Variants in HSPH1 observed in about 807,000 individuals in gnomAD.
The protein encoded by HSPH1 is heat shock protein family H (Hsp110) member 1.
A neutral mutation model predicts 100.0 loss-of-function variants in HSPH1; 40 were observed. That is an observed-to-expected ratio of 0.40 (90% CI 0.31 to 0.52). HSPH1 has a LOEUF of 0.52. HSPH1 is among the 20% of genes least tolerant of loss of function. The pLI, the probability that HSPH1 is intolerant of heterozygous loss-of-function variation, is 0.54. For synonymous variants in HSPH1, 403 were observed against 344.0 expected (o/e 1.17, Z -1.90); for missense variants, 876 against 1,015.1 (o/e 0.86, Z 1.86).
intron 16 of HSPH1, 30 bp downstream of exon 16, chr13:31,138,751 T>A (rs375066087): frequency 1.3e-5 from 20 of 1,586,086 alleles, no homozygotes; most frequent in Non-Finnish European, 1.6e-5. Flanking sequence ...TAGGTTAACT[T>A]CCTCCCTATG....
intron 1 of HSPH1, 132 bp from the exon 2 acceptor site, chr13:31,158,995 T>G (rs574360565): frequency 1.7e-6 from 1 of 587,896 alleles, no homozygotes; most frequent in East Asian, 2.8e-5. Context: ...TTTTAAGGTC[T>G]ATAGCTTTCA....
At chr13:31,155,974 C>G (rs556782701) in intron 2 of HSPH1, among the ~76,000 whole-genome samples, 29 of 152,262 alleles carry the variant, frequency 1.9e-4, no homozygotes, top group Non-Finnish European at 3.8e-4. Flanking sequence ...AAGCTCTGAA[C>G]AAACACACTA....
At position 31,139,015 on chromosome 13, in the gene HSPH1, C is replaced by T. The variant is rs759234284; in HGVS notation, c.2073G>A (p.Lys691=). The change falls in exon 15 of 18, where the codon AAG becomes AAA. Residue 691 remains lysine (K), a synonymous_variant. Coordinates refer to ENST00000320027, the MANE Select transcript of HSPH1 (RefSeq NM_006644.4). ...EDQAKQAYVD[K]LEELMKIGTP... Reference sequence around the variant, plus strand: ...AACGACCTACCATTAATTCTTCCAACTTGTCAACATATGCTTGTTTAGCTT... The same window carrying T: ...AACGACCTACCATTAATTCTTCCAATTTGTCAACATATGCTTGTTTAGCTT... 3 of 1,611,604 alleles carry T rather than the reference C, an allele frequency of 1.9e-6. No individual in the cohort carries two copies. The highest frequency in any genetic ancestry group is 3.3e-5 in the Admixed American group (2 of 59,950).
Position 31,161,865 on chromosome 13 carries a change from C to A in HSPH1, c.-283G>T. The A allele has an allele frequency of 6.7e-7, 1 of 1,484,024 alleles. No homozygotes were observed. Among genetic ancestry groups the A allele is most frequent in the Non-Finnish European group, 8.9e-7 (1 of 1,118,914 alleles). The allele number at this position is 1,484,024 out of a possible 1,614,324, so 91.9% of individuals were successfully genotyped here. A position where few individuals can be genotyped will look rare whatever the true frequency, so the allele number is the denominator to read the frequency against. On this transcript the variant is annotated 5_prime_UTR_variant, in exon 1 of 18. Transcript: ENST00000320027. ...CCTCGGGTTGCCTGCCTCACTCTGC[C>A]GCGGCTCGCACACCGGCGCCGGCGC...
At chr13:31,150,685 A>G (rs1458975865) in intron 7 of HSPH1, among the ~76,000 whole-genome samples, 1 of 152,226 alleles carries the variant, frequency 6.6e-6, no homozygotes, top group Non-Finnish European at 1.5e-5. Flanking sequence ...TGGCCCAGAA[A>G]TACTAAAAAG....
At position 31,161,595 on chromosome 13, in the gene HSPH1, GTCCGCC is replaced by G. The variant is rs1293613533; in HGVS notation, c.-19_-14del. ...CCACCACCGACATGGCCGGCTCGCGGTCCGCCTCCGCCTCGGGTCTCGGTCTGCGTC... is the reference window on the plus strand; with the variant it reads ...CCACCACCGACATGGCCGGCTCGCGGTCCGCCTCGGGTCTCGGTCTGCGTC... On this transcript the variant is annotated 5_prime_UTR_variant, in exon 1 of 18. Coordinates refer to ENST00000320027, the MANE Select transcript of HSPH1 (RefSeq NM_006644.4). 2 of 1,611,572 alleles carry G rather than the reference GTCCGCC, an allele frequency of 1.2e-6. No homozygotes were observed. Among genetic ancestry groups the G allele is most frequent in the East Asian group, 2.2e-5 (1 of 44,848 alleles).
rs186994063 is a variant in HSPH1 at position 31,141,394 on chromosome 13, C to T, written c.1717-135G>A. On this transcript the variant is annotated intron_variant, in intron 12 of 17. Transcript: ENST00000320027. Reference sequence around the variant, plus strand: ...AAAATCATAAAGTTGGAAGGATCTACAGGATCACCTAATTCCCACTATTTT... The same window carrying T: ...AAAATCATAAAGTTGGAAGGATCTATAGGATCACCTAATTCCCACTATTTT... 3 of 678,336 alleles carry T rather than the reference C, an allele frequency of 4.4e-6. No homozygotes were observed. In the African/African-American group the frequency reaches 5.5e-5, roughly 12 times the overall value. 42.0% of individuals were successfully genotyped at this position (678,336 alleles called of 1,614,324 possible). A position where few individuals can be genotyped will look rare whatever the true frequency, so the allele number is the denominator to read the frequency against.
chr13:31,158,574 G>C (rs558317253), intron 2 of HSPH1, among the ~76,000 whole-genome samples: 1 of 111,044 alleles, frequency 9.0e-6, no homozygotes, highest in Admixed American at 9.0e-5. Context: ...AAAAAAAAAA[G>C]TTAAGGATGG....
chr13:31,148,509 A>G (rs1956354502), intron 8 of HSPH1, 29 bp from the exon 9 acceptor site: 1 of 909,636 alleles, frequency 1.1e-6, no homozygotes, highest in Non-Finnish European at 1.6e-6. Flanking sequence ...AATCATGAGC[A>G]CATGAACACT....
rs111856506 is a variant in HSPH1, at chr13:31,159,196, TAACA to T, written c.108-337_108-334del. Among the ~76,000 whole-genome samples, 600 of 152,330 alleles carry T rather than the reference TAACA, an allele frequency of 3.9e-3. 3 individuals are homozygous for T. The highest frequency in any genetic ancestry group is 0.014 in the African/African-American group (565 of 41,576). ...TTATTAATTTGACCCTACACACGAC[TAACA>T]AAAAATAGGATGTGACTCTACCTTT... On this transcript the variant is annotated intron_variant, in intron 1 of 17. Coordinates refer to ENST00000320027, the MANE Select transcript of HSPH1 (RefSeq NM_006644.4).
chr13:31,137,245 G>A lies in HSPH1; in HGVS notation c.*73C>T, dbSNP rs1040294771. 2 of 859,288 alleles carry A rather than the reference G, an allele frequency of 2.3e-6. No individual in the cohort carries two copies. Among genetic ancestry groups the A allele is most frequent in the African/African-American group, 1.7e-5 (1 of 58,634 alleles). 53.2% of individuals were successfully genotyped at this position (859,288 alleles called of 1,614,324 possible). A position where few individuals can be genotyped will look rare whatever the true frequency, so the allele number is the denominator to read the frequency against. ...AAAAAAGAAAATATAAATAGTTTCA[G>A]TATGTTATGTAGAGTCACATACTAT... On this transcript the variant is annotated 3_prime_UTR_variant, in exon 18 of 18. Coordinates refer to ENST00000320027, the MANE Select transcript of HSPH1 (RefSeq NM_006644.4).
At position 31,137,037 on chromosome 13, in the gene HSPH1, CAA is replaced by C. The variant is rs1410150027; in HGVS notation, c.*279_*280del. 1.6e-5 allele frequency: 9 copies of C among 548,832 alleles called. No homozygotes were observed. Among genetic ancestry groups the C allele is most frequent in the Non-Finnish European group, 2.8e-5 (8 of 289,916 alleles). 34.0% of individuals were successfully genotyped at this position (548,832 alleles called of 1,614,324 possible). A position where few individuals can be genotyped will look rare whatever the true frequency, so the allele number is the denominator to read the frequency against. ...AGTACAGTTTTTTTTCTCCAAAAGA[CAA>C]AAGTCAGTTTCATCCTCAGTGATGC... On this transcript the variant is annotated 3_prime_UTR_variant, in exon 18 of 18. Transcript: ENST00000320027.
intron 11 of HSPH1, 95 bp downstream of exon 11, chr13:31,145,468 G>GA (rs1956235039): frequency 5.7e-6 from 5 of 872,014 alleles, no homozygotes; most frequent in Non-Finnish European, 7.1e-6. Flanking sequence ...ATTCATGAAG[G>GA]AAAACATTCA....
chr13:31,147,948 G>A lies in HSPH1; in HGVS notation c.1378+11C>T, dbSNP rs764688804. 3 of 1,576,574 alleles carry A rather than the reference G, an allele frequency of 1.9e-6. No individual in the cohort carries two copies. The South Asian group carries it at 3.6e-5, about 19-fold the overall frequency. ...ACTAAAAGAGTAAAATATACACAAT[G>A]AACTCCTTACCTATTTTTGCTTCTG... On this transcript the variant is annotated intron_variant, in intron 10 of 17. Coordinates refer to ENST00000320027, the MANE Select transcript of HSPH1 (RefSeq NM_006644.4).
In HSPH1 at chr13:31,161,594, G is replaced by A. The variant is rs763408670; in HGVS notation, c.-12C>T. ...CCCACCACCGACATGGCCGGCTCGC[G>A]GTCCGCCTCCGCCTCGGGTCTCGGT... On this transcript the variant is annotated 5_prime_UTR_variant, in exon 1 of 18. Coordinates refer to ENST00000320027, the MANE Select transcript of HSPH1 (RefSeq NM_006644.4). The A allele has an allele frequency of 1.2e-6, 2 of 1,611,808 alleles. No individual in the cohort carries two copies. The highest frequency in any genetic ancestry group is 8.5e-7 in the Non-Finnish European group (1 of 1,179,456).
intron 13 of HSPH1, 67 bp from the exon 14 acceptor site, chr13:31,140,376 G>A (rs1293530214): frequency 2.1e-6 from 3 of 1,462,200 alleles, no homozygotes; most frequent in Non-Finnish European, 9.3e-7. Flanking sequence ...TAAATATGTA[G>A]ACTCTGGGGT....
Position 31,150,108 on chromosome 13 carries a change from G to C in HSPH1, c.983C>G (p.Thr328Ser). 1 of 1,613,604 alleles carries C rather than the reference G, an allele frequency of 6.2e-7. No homozygotes were observed. The change falls in exon 8 of 18, where the codon ACT becomes AGT. Residue 328 changes from threonine to serine, a missense_variant. By Grantham distance (58) the Thr-to-Ser change is moderately conservative. Coordinates refer to ENST00000320027, the MANE Select transcript of HSPH1 (RefSeq NM_006644.4). ...EVPLYSLLEQTHLKVEDVSAV... is the reference protein window; with the variant it reads ...EVPLYSLLEQSHLKVEDVSAV... Reference sequence around the variant, plus strand: ...ACTCACATCTTCTACTTTGAGATGAGTTTGTTCCAACAGTGAATAAAGGGG... The same window carrying C: ...ACTCACATCTTCTACTTTGAGATGACTTTGTTCCAACAGTGAATAAAGGGG...
At position 31,137,250 on chromosome 13, in the gene HSPH1, T is replaced by C. The variant is rs1226603813; in HGVS notation, c.*68A>G. On this transcript the variant is annotated 3_prime_UTR_variant, in exon 18 of 18. Coordinates refer to ENST00000320027, the MANE Select transcript of HSPH1 (RefSeq NM_006644.4). The stretch of plus-strand genomic sequence containing the variant: ...AGAAAATATAAATAGTTTCAGTATG[T>C]TATGTAGAGTCACATACTATGGCAA... 2 of 895,768 alleles carry C rather than the reference T, an allele frequency of 2.2e-6. No homozygotes were observed. The allele number at this position is 895,768 out of a possible 1,614,324, so 55.5% of individuals were successfully genotyped here. A position where few individuals can be genotyped will look rare whatever the true frequency, so the allele number is the denominator to read the frequency against.
At chr13:31,139,172 G>A in intron 14 of HSPH1, 65 bp from the exon 15 acceptor site, 1 of 1,039,020 alleles carries the variant, frequency 9.6e-7, no homozygotes, top group Non-Finnish European at 1.5e-6. Flanking sequence ...ACAAAACAAA[G>A]AGGTATTCTC....
Sources: gnomAD v4.1 joint callset for allele counts (sites outside exome capture counted in the v4.1 genomes callset) on GRCh38, gnomAD v4.1.1 for gene constraint, MANE v1.5 for transcripts, NCBI Gene and HGNC (gene_info 2026-07-23, HGNC 2026-07-21) for gene names.